Variants in CD151 observed in about 807,000 individuals in gnomAD.
The protein encoded by CD151 is CD151 antigen.
CD151 carries 20 observed loss-of-function variants against 34.2 expected under a neutral mutation model. The observed-to-expected ratio is 0.58, with a 90% confidence interval of 0.41 to 0.85. The LOEUF is 0.85. CD151 is among the 40% of genes least tolerant of loss of function. The pLI, the probability that CD151 is intolerant of heterozygous loss-of-function variation, is 0.00. For missense variants in CD151, 306 were observed against 324.5 expected (o/e 0.94, Z 0.44); for synonymous variants, 157 against 131.7 (o/e 1.19, Z -1.32).
At chr11:837,903 C>A (rs781085595) in intron 7 of CD151, 39 bp from the exon 8 acceptor site, 11 of 1,517,058 alleles carry the variant, frequency 7.3e-6, no homozygotes, top group Non-Finnish European at 1.0e-5. Flanking sequence ...TGGGAGGTGC[C>A]CCCTGGGCCC....
chr11:836,407 G>A lies in CD151; in HGVS notation c.241G>A (p.Ala81Thr), dbSNP rs141569440. The A allele has an allele frequency of 4.6e-4, 748 of 1,611,340 alleles. No homozygotes were observed. Among genetic ancestry groups the A allele is most frequent in the Non-Finnish European group, 6.1e-4 (719 of 1,179,698 alleles). ...VMVTGVLGCCATFKERRNLLR... is the reference protein window; with the variant it reads ...VMVTGVLGCCTTFKERRNLLR... The stretch of plus-strand genomic sequence containing the variant: ...GGTGACTGGGGTCTTGGGCTGCTGC[G>A]CCACCTTCAAGGAGCGTCGGAACCT... The change falls in exon 4 of 9, where the codon GCC becomes ACC. Residue 81 changes from alanine to threonine, a missense_variant. Coordinates refer to ENST00000397420, the MANE Select transcript of CD151 (RefSeq NM_004357.5).
At position 836,238 on chromosome 11, in the gene CD151, G is replaced by A. The variant is rs1846761054; in HGVS notation, c.85-13G>A. The A allele has an allele frequency of 3.1e-6, 5 of 1,609,068 alleles. No homozygotes were observed. Among genetic ancestry groups the A allele is most frequent in the Middle Eastern group, 1.6e-4 (1 of 6,062 alleles). The stretch of plus-strand genomic sequence containing the variant: ...CCTGGGCAGATGCGATGACCTTTGT[G>A]TACTGCTTGTAGCTGGCTGGCCTGG... On this transcript the variant is annotated splice_polypyrimidine_tract_variant and intron_variant, in intron 3 of 8. Coordinates refer to ENST00000397420, the MANE Select transcript of CD151 (RefSeq NM_004357.5).
At chr11:833,397 C>CG (rs1172698164) in intron 1 of CD151, among the ~76,000 whole-genome samples, 1 of 152,186 alleles carries the variant, frequency 6.6e-6, no homozygotes, top group East Asian at 1.9e-4. Flanking sequence ...GTCTTCCCTC[C>CG]GCCCGCAGCA....
At chr11:834,081 C>CTGT (rs1846662942) in intron 1 of CD151, 2 of 152,304 alleles carry the variant, frequency 1.3e-5, no homozygotes, top group South Asian at 4.1e-4. Flanking sequence ...TGAGGTCCCT[C>CTGT]CCAGGATCAG....
Position 836,117 on chromosome 11 carries a change from C to G in CD151, c.48C>G (p.Leu16=). ...EKKTTCGTVC[L]KYLLFTYNCC... is the part of the protein sequence containing the mutation. ...AGACAACATGTGGCACCGTTTGCCT[C>G]AAGTACCTGCTGTTTACCTACAATT... Residue 16 remains leucine (L), a synonymous_variant, in exon 3 of 9, where the codon CTC becomes CTG. Transcript: ENST00000397420. The G allele has an allele frequency of 1.9e-6, 3 of 1,612,982 alleles. No homozygotes were observed. The highest frequency in any genetic ancestry group is 2.5e-6 in the Non-Finnish European group (3 of 1,179,904).
chr11:833,272 C>G (rs1213294063), intron 1 of CD151, among the ~76,000 whole-genome samples: 3 of 152,156 alleles, frequency 2.0e-5, no homozygotes, highest in Non-Finnish European at 4.4e-5. Context: ...TGGGGAGGCG[C>G]AGCGGGAAGG....
At position 838,161 on chromosome 11, in the gene CD151, T is replaced by C. The variant is rs1224860319; in HGVS notation, c.731T>C (p.Leu244Pro). The C allele has an allele frequency of 6.2e-7, 1 of 1,613,244 alleles. No individual in the cohort carries two copies. Among genetic ancestry groups the C allele is most frequent in the South Asian group, 1.1e-5 (1 of 91,076 alleles). ...TTTGGCATGATCTTCACGTGCTGCC[T>C]GTACAGGAGTCTCAAGCTGGAGCAC... ...QVFGMIFTCC[L>P]YRSLKLEHY is the part of the protein sequence containing the mutation. Residue 244 changes from leucine to proline, a missense_variant, in exon 9 of 9, where the codon CTG becomes CCG. Physicochemically the swap from Leu to Pro is moderately conservative, Grantham distance 98. Coordinates refer to ENST00000397420, the MANE Select transcript of CD151 (RefSeq NM_004357.5).
rs370083417 is a variant in CD151, at chr11:836,035, C to T, written c.-7-28C>T. 56 of 1,376,468 alleles carry T rather than the reference C, an allele frequency of 4.1e-5. 1 individual carries two copies. The African/African-American group carries it at 7.5e-4, about 18-fold the overall frequency. 85.3% of individuals were successfully genotyped at this position (1,376,468 alleles called of 1,614,324 possible). ...CCAGTCAGGGGCCCGGTGCTGTGGC[C>T]CCGCTGACCCCTCCCCTGCCTCCTC... On this transcript the variant is annotated intron_variant, in intron 2 of 8. Coordinates refer to ENST00000397420, the MANE Select transcript of CD151 (RefSeq NM_004357.5).
In CD151 at chr11:838,321, G is replaced by A; in HGVS notation, c.*129G>A. 2.6e-6 allele frequency: 2 copies of A among 763,362 alleles called. No individual in the cohort carries two copies. Among genetic ancestry groups the A allele is most frequent in the Non-Finnish European group, 4.4e-6 (2 of 450,102 alleles). The allele number at this position is 763,362 out of a possible 1,614,324, so 47.3% of individuals were successfully genotyped here. A position where few individuals can be genotyped will look rare whatever the true frequency, so the allele number is the denominator to read the frequency against. ...AACCTCTGGGGACCCCAACCTCAGAGGCAGCTTCAAGTGCCTTTTGCTGCG... is the reference window on the plus strand; with the variant it reads ...AACCTCTGGGGACCCCAACCTCAGAAGCAGCTTCAAGTGCCTTTTGCTGCG... On this transcript the variant is annotated 3_prime_UTR_variant, in exon 9 of 9. Coordinates refer to ENST00000397420, the MANE Select transcript of CD151 (RefSeq NM_004357.5).
In CD151 at chr11:837,428, A is replaced by G. The variant is rs545631014; in HGVS notation, c.457-32A>G. ...GACCTCTGCAGGAGCCTCTGGCCCC[A>G]GGTCTCAACCCCAGCCTTGTTCTTG... On this transcript the variant is annotated intron_variant, in intron 6 of 8. Coordinates refer to ENST00000397420, the MANE Select transcript of CD151 (RefSeq NM_004357.5). 1.1e-5 allele frequency: 17 copies of G among 1,611,824 alleles called. No individual in the cohort carries two copies. The South Asian group carries it at 1.1e-4, about 10-fold the overall frequency.
intron 2 of CD151, chr11:835,745 T>G (rs1324654186): frequency 7.0e-6 from 2 of 286,086 alleles, no homozygotes; most frequent in Non-Finnish European, 1.3e-5. Context: ...TGGAGTGCAG[T>G]GGCACCATCT....
Position 838,526 on chromosome 11 carries a change from C to T in CD151, c.*334C>T, listed in dbSNP as rs982062875. 2.2e-5 allele frequency: 10 copies of T among 447,356 alleles called. 1 individual carries two copies. In the Admixed American group the frequency reaches 3.2e-4, roughly 14 times the overall value. 27.7% of individuals were successfully genotyped at this position (447,356 alleles called of 1,614,324 possible). ...GGAGAAACCCTTCACACCCCAGGCC[C>T]TTCAGGAACTGGGGCCTTGCCTTGC... On this transcript the variant is annotated 3_prime_UTR_variant, in exon 9 of 9. Transcript: ENST00000397420.
chr11:837,195 C>A, intron 5 of CD151, 55 bp from the exon 6 acceptor site: 1 of 1,457,886 alleles, frequency 6.9e-7, no homozygotes, highest in Non-Finnish European at 9.6e-7. Context: ...GCTCTGCCAG[C>A]CCCACCTTGG....
rs777975809 is a variant in CD151 at position 836,306 on chromosome 11, A to C, written c.140A>C (p.Asp47Ala). ...VGIWTLALKS[D>A]YISLLASGTY... ...ATCTGGACGCTGGCCCTCAAGAGTG[A>C]CTACATCAGCCTGCTGGCCTCAGGC... The change falls in exon 4 of 9, where the codon GAC (aspartate) becomes GCC (alanine). Residue 47 changes from aspartate to alanine, a missense_variant. By Grantham distance (126) the Asp-to-Ala change is moderately radical. Coordinates refer to ENST00000397420, the MANE Select transcript of CD151 (RefSeq NM_004357.5). The C allele has an allele frequency of 6.2e-7, 1 of 1,612,724 alleles. No individual in the cohort carries two copies. Among genetic ancestry groups the C allele is most frequent in the South Asian group, 1.1e-5 (1 of 91,078 alleles).
intron 1 of CD151, among the ~76,000 whole-genome samples, chr11:834,297 T>G (rs1846669970): frequency 6.6e-6 from 1 of 152,034 alleles, no homozygotes; most frequent in Admixed American, 6.6e-5. Flanking sequence ...AGGCGGAGGT[T>G]GCAGTGAGCT....
chr11:832,966 G>C lies in CD151; in HGVS notation c.-130G>C, dbSNP rs1397531222. The C allele has an allele frequency of 8.4e-6, 1 of 118,606 alleles. No homozygotes were observed. Among genetic ancestry groups the C allele is most frequent in the East Asian group, 3.1e-4 (1 of 3,208 alleles). The allele number at this position is 118,606 out of a possible 1,614,324, so 7.3% of individuals were successfully genotyped here. On this transcript the variant is annotated 5_prime_UTR_variant, in exon 1 of 9. Coordinates refer to ENST00000397420, the MANE Select transcript of CD151 (RefSeq NM_004357.5). ...CCGGGCCGCGCATTCTCAGCGCTGG[G>C]AGCCGCCGCCCCCGCAGCTGCTGCC... is the stretch of plus-strand genomic sequence containing the variant.
intron 1 of CD151, among the ~76,000 whole-genome samples, 169 bp downstream of exon 1, chr11:833,195 GCCCAGCTCCCTCGCCTGC>G (rs142782599): frequency 0.011 from 220 of 19,628 alleles, no homozygotes; most frequent in Middle Eastern, 0.081. Flanking sequence ...CCACCGCCTG[GCCCAGCTCCCTCGCCTGC>G]CCCAGCTCCC....
Position 837,535 on chromosome 11 carries a change from C to T in CD151, c.532C>T (p.Arg178Cys), listed in dbSNP as rs367700291. Reference protein sequence around the residue: ...EWIRSQEAGGRVVPDSCCKTV... With the variant: ...EWIRSQEAGGCVVPDSCCKTV... ...GATCCGCTCACAGGAGGCCGGTGGCCGTGTGGTCCCAGACAGCTGCTGCAA... is the reference window on the plus strand; with the variant it reads ...GATCCGCTCACAGGAGGCCGGTGGCTGTGTGGTCCCAGACAGCTGCTGCAA... The change falls in exon 7 of 9, where the codon CGT (arginine) becomes TGT (cysteine). Residue 178 changes from arginine to cysteine, a missense_variant. Physicochemically the swap from Arg to Cys is radical, Grantham distance 180 (BLOSUM62 -3). Coordinates refer to ENST00000397420, the MANE Select transcript of CD151 (RefSeq NM_004357.5). 25 of 1,612,910 alleles carry T rather than the reference C, an allele frequency of 1.5e-5. No homozygotes were observed. The highest frequency in any genetic ancestry group is 1.3e-4 in the African/African-American group (10 of 74,908).
chr11:836,037 C>T (rs375868535), intron 2 of CD151, 26 bp from the exon 3 acceptor site: 125 of 1,438,082 alleles, frequency 8.7e-5, no homozygotes, highest in Non-Finnish European at 1.1e-4. Flanking sequence ...GCTGTGGCCC[C>T]GCTGACCCCT....
Sources: allele counts gnomAD v4.1 joint callset (sites outside exome capture counted in the v4.1 genomes callset), GRCh38; gene constraint gnomAD v4.1.1; transcripts MANE v1.5; gene names NCBI Gene and HGNC (gene_info 2026-07-23, HGNC 2026-07-21).